Variants in ATIC observed in about 807,000 individuals in gnomAD.
The protein encoded by ATIC is 5-aminoimidazole-4-carboxamide ribonucleotide formyltransferase/IMP cyclohydrolase, also known as bifunctional purine biosynthesis protein ATIC.
In ATIC, 64 loss-of-function variants were observed where a neutral mutation model predicts 72.5. The observed-to-expected ratio is 0.88, with a 90% CI of 0.72 to 1.09. ATIC has a LOEUF of 1.09. ATIC is among the 50% of genes least tolerant of loss of function. The pLI, the probability that ATIC is intolerant of heterozygous loss-of-function variation, is 0.00. For synonymous variants in ATIC, 281 were observed against 267.1 expected, an observed-to-expected ratio of 1.05 and a Z score of -0.51; for missense variants, 787 against 732.4, an observed-to-expected ratio of 1.07 and a Z score of -0.86.
chr2:215,366,598 A>G, the ATIC span, among the ~76,000 whole-genome samples: 2 of 152,248 alleles, frequency 1.3e-5, no homozygotes, highest in Admixed American at 6.5e-5. Flanking sequence ...TTTAACCTCC[A>G]GGGCTTATAC....
chr2:215,312,576 C>A lies in ATIC; in HGVS notation c.98C>A (p.Ala33Asp). 1 of 1,614,246 alleles carries A rather than the reference C, an allele frequency of 6.2e-7. No individual in the cohort carries two copies. The highest frequency in any genetic ancestry group is 2.2e-5 in the East Asian group (1 of 44,888). Residue 33 changes from alanine (A) to aspartate (D), a missense_variant, in exon 2 of 16, where the codon GCT becomes GAT. By Grantham distance (126) the Ala-to-Asp change is moderately radical (BLOSUM62 -2). Transcript: ENST00000236959. The part of the protein sequence containing the change: ...NLTALGLNLV[A>D]SGGTAKALRD... ...ACCGCTCTTGGTTTGAATCTGGTCG[C>A]TTCCGGAGGGACTGCAAAAGCTCTC... is the stretch of plus-strand genomic sequence containing the variant.
Position 215,349,590 on chromosome 2 carries a change from A to T in ATIC, c.1714A>T (p.Ile572Phe), listed in dbSNP as rs775080898. The T allele has an allele frequency of 3.1e-6, 5 of 1,614,116 alleles. No homozygotes were observed. Among genetic ancestry groups the T allele is most frequent in the East Asian group, 2.2e-5 (1 of 44,876 alleles). ...CGGTTCTGCTGCTGACAAAGTTGTG[A>T]TTGAGGCCTGCGACGAACTGGGAAT... ...PSGSAADKVV[I>F]EACDELGIIL... Residue 572 changes from isoleucine to phenylalanine, a missense_variant, in exon 16 of 16, where the codon ATT becomes TTT. By Grantham distance (21) the Ile-to-Phe change is conservative (BLOSUM62 0). Coordinates refer to ENST00000236959, the MANE Select transcript of ATIC (RefSeq NM_004044.7).
chr2:215,329,412 A>C (rs2052865666), intron 7 of ATIC, among the ~76,000 whole-genome samples: 1 of 152,198 alleles, frequency 6.6e-6, no homozygotes, highest in Non-Finnish European at 1.5e-5. Context: ...TGGACACGTA[A>C]ATAAGCGTTT....
At chr2:215,327,232 A>G (rs1231574647) in intron 7 of ATIC, among the ~76,000 whole-genome samples, 1 of 152,214 alleles carries the variant, frequency 6.6e-6, no homozygotes, top group Non-Finnish European at 1.5e-5. Flanking sequence ...TTTTGAAGAC[A>G]TGAGACAGGA....
At chr2:215,331,291 G>A (rs1364497241) in intron 7 of ATIC, among the ~76,000 whole-genome samples, 1 of 151,098 alleles carries the variant, frequency 6.6e-6, no homozygotes, top group Non-Finnish European at 1.5e-5. Flanking sequence ...GCTTAACATC[G>A]TAGTAGGCAA....
chr2:215,324,691 A>G (rs1316059022), intron 4 of ATIC, among the ~76,000 whole-genome samples: 5 of 151,980 alleles, frequency 3.3e-5, no homozygotes, highest in African/African-American at 1.2e-4. Flanking sequence ...TTAATTTTAG[A>G]TTACTTCTGT....
At chr2:215,344,462 AC>A (rs1031895962) in intron 12 of ATIC, among the ~76,000 whole-genome samples, 17 of 152,158 alleles carry the variant, frequency 1.1e-4, no homozygotes, top group African/African-American at 3.6e-4. Flanking sequence ...AGGCTGAGGC[AC>A]GTAGATGACT....
At chr2:215,334,023 CAG>C (rs1251503041) in intron 9 of ATIC, among the ~76,000 whole-genome samples, 1 of 148,004 alleles carries the variant, frequency 6.8e-6, no homozygotes, top group Admixed American at 6.8e-5. Flanking sequence ...GCCTGGGTGA[CAG>C]AGCGATACTC....
intron 6 of ATIC, among the ~76,000 whole-genome samples, chr2:215,326,503 G>A (rs1246389986): frequency 6.6e-6 from 1 of 151,848 alleles, no homozygotes; most frequent in African/African-American, 2.4e-5. Context: ...CCAGCTACTC[G>A]GGAGACTGAG....
chr2:215,325,911 A>G (rs997409456), intron 5 of ATIC, 76 bp from the exon 6 acceptor site: 55 of 1,542,548 alleles, frequency 3.6e-5, no homozygotes, highest in Non-Finnish European at 4.5e-5. Flanking sequence ...AAGTACATGC[A>G]CAATGACTTT....
intron 7 of ATIC, among the ~76,000 whole-genome samples, chr2:215,329,746 A>G (rs2052869065): frequency 6.6e-6 from 1 of 151,976 alleles, no homozygotes; most frequent in African/African-American, 2.4e-5. Flanking sequence ...TGAAAATTTG[A>G]TATTTGAAGG....
intron 7 of ATIC, among the ~76,000 whole-genome samples, chr2:215,329,784 G>T (rs148003828): frequency 0.012 from 1,841 of 151,250 alleles, 31 homozygotes; most frequent in East Asian, 0.047. Context: ...TTTTTTTGAG[G>T]CAGAGTCTTG....
rs573812822 is a variant in ATIC at position 215,349,745 on chromosome 2, A to G, written c.*90A>G. Reference sequence around the variant, plus strand: ...GGATAACTTTTTAAAAAAATAAAACAGTATCTCTTAATCACTGGATCCATA... The same window carrying G: ...GGATAACTTTTTAAAAAAATAAAACGGTATCTCTTAATCACTGGATCCATA... On this transcript the variant is annotated 3_prime_UTR_variant, in exon 16 of 16. Coordinates refer to ENST00000236959, the MANE Select transcript of ATIC (RefSeq NM_004044.7). 2.6e-5 allele frequency: 42 copies of G among 1,601,214 alleles called. No individual in the cohort carries two copies. In the Admixed American group the frequency reaches 5.3e-4, roughly 20 times the overall value.
At chr2:215,355,436 G>A in the ATIC span, among the ~76,000 whole-genome samples, 1 of 152,046 alleles carries the variant, frequency 6.6e-6, no homozygotes, top group Non-Finnish European at 1.5e-5. Context: ...GGATCCCCTG[G>A]GCACAGGGAG....
chr2:215,346,920 T>C lies in ATIC; in HGVS notation c.1482T>C (p.Tyr494=). ...AAATCTCCAATGCCATCGATCAATA[T>C]GTGACTGGAACCATTGGCGAGGTGA... is the stretch of plus-strand genomic sequence containing the variant. ...RAEISNAIDQ[Y]VTGTIGEDED... The change falls in exon 14 of 16, where the codon TAT becomes TAC. Residue 494 remains tyrosine (Y), a synonymous_variant. Coordinates refer to ENST00000236959, the MANE Select transcript of ATIC (RefSeq NM_004044.7). 1 of 1,614,190 alleles carries C rather than the reference T, an allele frequency of 6.2e-7. No individual in the cohort carries two copies. Among genetic ancestry groups the C allele is most frequent in the Non-Finnish European group, 8.5e-7 (1 of 1,180,028 alleles).
chr2:215,354,782 G>A, the ATIC span, among the ~76,000 whole-genome samples: 2 of 150,734 alleles, frequency 1.3e-5, no homozygotes, highest in South Asian at 4.2e-4. Context: ...CTGTAATCTA[G>A]TATGTTACTA....
intron 2 of ATIC, among the ~76,000 whole-genome samples, chr2:215,316,268 T>G (rs919345780): frequency 6.6e-6 from 1 of 152,222 alleles, no homozygotes; most frequent in Non-Finnish European, 1.5e-5. Context: ...GGATTTTATT[T>G]CCTGAACCCC....
At chr2:215,350,035 C>T (rs912770206), downstream of ATIC, among the ~76,000 whole-genome samples, 3 of 152,174 alleles carry the variant, frequency 2.0e-5, no homozygotes, top group Non-Finnish European at 4.4e-5. Flanking sequence ...TGTAAATTAC[C>T]TAGAATTCTT....
chr2:215,361,472 T>C, the ATIC span: 1 of 997,148 alleles, frequency 1.0e-6, no homozygotes, highest in African/African-American at 1.6e-5. Flanking sequence ...AGAAGAACTC[T>C]AAGCTGGGTC....
Sources: allele counts gnomAD v4.1 joint callset (sites outside exome capture counted in the v4.1 genomes callset), GRCh38; gene constraint gnomAD v4.1.1; transcripts MANE v1.5; gene names NCBI Gene and HGNC (gene_info 2026-07-23, HGNC 2026-07-21).